The following FUCA1 variants were observed in gnomAD, a reference collection of about 807,000 sequenced individuals.
The protein encoded by FUCA1 is tissue alpha-L-fucosidase.
FUCA1 carries 52 observed loss-of-function variants against 56.8 expected under a neutral mutation model. The ratio of observed to expected loss-of-function variants is 0.92; its 90% CI spans 0.73 to 1.15. The LOEUF is 1.15. FUCA1 is among the 50% of genes most tolerant of loss of function. The pLI is 0.00. For missense variants in FUCA1, 568 were observed against 592.6 expected, an observed-to-expected ratio of 0.96 and a Z score of 0.43; for synonymous variants, 230 against 226.6, an observed-to-expected ratio of 1.02 and a Z score of -0.14.
Position 23,850,533 on chromosome 1 carries a change from G to C in FUCA1, c.970-1694C>G, listed in dbSNP as rs911697820. 9.9e-5 allele frequency among the ~76,000 whole-genome samples: 15 copies of C among 151,584 alleles called. No individual in the cohort carries two copies. In the East Asian group the frequency reaches 1.9e-3, roughly 20 times the overall value. On this transcript the variant is annotated intron_variant, in intron 5 of 7. Coordinates refer to ENST00000374479, the MANE Select transcript of FUCA1 (RefSeq NM_000147.5). Reference sequence around the variant, plus strand: ...GAGTCTAGCTCTGTCACCCAGGCTGGAGTGCAGTGGCGCAATCTCAGCTCA... The same window carrying C: ...GAGTCTAGCTCTGTCACCCAGGCTGCAGTGCAGTGGCGCAATCTCAGCTCA...
At chr1:23,863,068 G>A in intron 3 of FUCA1, 66 bp downstream of exon 3, 1 of 1,539,220 alleles carries the variant, frequency 6.5e-7, no homozygotes. Context: ...CACTTTAATG[G>A]TACCCTATAG....
At position 23,845,575 on chromosome 1, in the gene FUCA1, G is replaced by A; in HGVS notation, c.*140C>T. On this transcript the variant is annotated 3_prime_UTR_variant, in exon 8 of 8. Coordinates refer to ENST00000374479, the MANE Select transcript of FUCA1 (RefSeq NM_000147.5). ...TTTAGACATCAGGGTAATGTACTCA[G>A]TTCCTTTAATTAAAATGTGTTGGAA... 1 of 963,382 alleles carries A rather than the reference G, an allele frequency of 1.0e-6. No homozygotes were observed. Among genetic ancestry groups the A allele is most frequent in the Admixed American group, 1.9e-5 (1 of 53,862 alleles). The allele number at this position is 963,382 out of a possible 1,614,324, so 59.7% of individuals were successfully genotyped here. A position where few individuals can be genotyped will look rare whatever the true frequency, so the allele number is the denominator to read the frequency against.
At chr1:23,855,979 T>TA (rs1484563006) in intron 4 of FUCA1, among the ~76,000 whole-genome samples, 8 of 152,154 alleles carry the variant, frequency 5.3e-5, no homozygotes. Context: ...AGGAGACAGA[T>TA]ATGTGGACAA....
chr1:23,847,662 G>A (rs1297391425), intron 6 of FUCA1, among the ~76,000 whole-genome samples: 4 of 152,102 alleles, frequency 2.6e-5, no homozygotes, highest in Non-Finnish European at 5.9e-5. Context: ...CCAGATGCTG[G>A]TGCTATGCTC....
chr1:23,855,295 A>T (rs575272579), intron 4 of FUCA1, among the ~76,000 whole-genome samples: 5 of 152,340 alleles, frequency 3.3e-5, no homozygotes, highest in African/African-American at 1.2e-4. Flanking sequence ...CAGGAGATAG[A>T]GACCAACCTG....
Position 23,867,678 on chromosome 1 carries a change from T to C in FUCA1, c.389+220A>G. The C allele has an allele frequency of 1.0e-6, 1 of 975,638 alleles. No homozygotes were observed. Among genetic ancestry groups the C allele is most frequent in the Non-Finnish European group, 1.2e-6 (1 of 821,128 alleles). 60.4% of individuals were successfully genotyped at this position (975,638 alleles called of 1,614,324 possible). On this transcript the variant is annotated intron_variant, in intron 1 of 7. Transcript: ENST00000374479. This position sits in a 1 kb window ranked among gnomAD's most constrained non-coding sequence, Gnocchi z 4.9. ...TGCAGATACCCAGGGCTTCCCAGCC[T>C]GCCATCTCCCTGAACCTTCATTTAT...
chr1:23,864,905 A>T (rs1406715360), intron 2 of FUCA1, among the ~76,000 whole-genome samples: 1 of 151,898 alleles, frequency 6.6e-6, no homozygotes, highest in Non-Finnish European at 1.5e-5. Flanking sequence ...GGGTTTCACC[A>T]TATTGGTCAG....
chr1:23,859,953 G>T, intron 3 of FUCA1, 50 bp from the exon 4 acceptor site: 2 of 1,299,738 alleles, frequency 1.5e-6, no homozygotes, highest in African/African-American at 1.5e-5. Flanking sequence ...CATGTTCACA[G>T]TAAAATCTTA....
chr1:23,857,007 G>GAA (rs145048129), intron 4 of FUCA1, among the ~76,000 whole-genome samples: 6 of 144,862 alleles, frequency 4.1e-5, no homozygotes, highest in African/African-American at 5.1e-5. Flanking sequence ...AAAAAGAAAA[G>GAA]AAAAAAAAAA....
At chr1:23,845,994 C>A (rs776211223) in intron 7 of FUCA1, 80 bp downstream of exon 7, 2 of 1,509,126 alleles carry the variant, frequency 1.3e-6, no homozygotes, top group Admixed American at 1.7e-5. Context: ...TGGGAGAAAC[C>A]TGGCAGGGAA....
Position 23,867,838 on chromosome 1 carries a change from C to A in FUCA1, c.389+60G>T. On this transcript the variant is annotated intron_variant, in intron 1 of 7. Coordinates refer to ENST00000374479, the MANE Select transcript of FUCA1 (RefSeq NM_000147.5). The surrounding 1 kb of genome is among the most constrained non-coding windows in gnomAD (Gnocchi z 4.9). Reference sequence around the variant, plus strand: ...TGCGCGCCCCAGCTGGCCGCCCAGCCCCACCTCCTGTTTGCCGCCCGAGCC... The same window carrying A: ...TGCGCGCCCCAGCTGGCCGCCCAGCACCACCTCCTGTTTGCCGCCCGAGCC... 1 of 1,505,744 alleles carries A rather than the reference C, an allele frequency of 6.6e-7. No individual in the cohort carries two copies. The allele number at this position is 1,505,744 out of a possible 1,614,324, so 93.3% of individuals were successfully genotyped here.
chr1:23,859,974 T>G, intron 3 of FUCA1, 71 bp from the exon 4 acceptor site: 2 of 1,047,616 alleles, frequency 1.9e-6, no homozygotes, highest in South Asian at 1.3e-5. Context: ...TGGACCATTT[T>G]TTTTTTTAGA....
Position 23,845,786 on chromosome 1 carries a change from G to A in FUCA1, c.1330C>T (p.Leu444=). 1 of 1,614,144 alleles carries A rather than the reference G, an allele frequency of 6.2e-7. No individual in the cohort carries two copies. Among genetic ancestry groups the A allele is most frequent in the Non-Finnish European group, 8.5e-7 (1 of 1,179,964 alleles). The change falls in exon 8 of 8, where the codon CTA becomes TTA. Residue 444 remains leucine (L), a synonymous_variant. Transcript: ENST00000374479. Reference sequence around the variant, plus strand: ...ACAGCAGAGGGTGGCAACTGGGGTAGAGAGATGAAGAGACCTTTATCTGGA... The same window carrying A: ...ACAGCAGAGGGTGGCAACTGGGGTAAAGAGATGAAGAGACCTTTATCTGGA... ...TDPDKGLFIS[L]PQLPPSAVPA... is the part of the protein sequence containing the mutation.
At position 23,848,826 on chromosome 1, in the gene FUCA1, G is replaced by A. The variant is rs984848361; in HGVS notation, c.983C>T (p.Thr328Ile). ...ESEIISELVQ[T>I]VSLGGNYLLN... is the part of the protein sequence containing the mutation. Reference sequence around the variant, plus strand: ...AAGATAGTTGCCTCCCAAACTTACTGTCTGAACCAGTTCCTGGAGAGAACA... The same window carrying A: ...AAGATAGTTGCCTCCCAAACTTACTATCTGAACCAGTTCCTGGAGAGAACA... Residue 328 changes from threonine to isoleucine, a missense_variant, in exon 6 of 8, where the codon ACA becomes ATA. By Grantham distance (89) the Thr-to-Ile change is moderately conservative (BLOSUM62 -1). Coordinates refer to ENST00000374479, the MANE Select transcript of FUCA1 (RefSeq NM_000147.5). 1 of 1,614,004 alleles carries A rather than the reference G, an allele frequency of 6.2e-7. No homozygotes were observed. Among genetic ancestry groups the A allele is most frequent in the Non-Finnish European group, 8.5e-7 (1 of 1,179,884 alleles).
chr1:23,857,981 CTT>C (rs1639429105), intron 4 of FUCA1, among the ~76,000 whole-genome samples: 2 of 150,404 alleles, frequency 1.3e-5, no homozygotes, highest in Admixed American at 1.3e-4. Flanking sequence ...GAAAACCACT[CTT>C]AATCTGTCTC....
At chr1:23,855,016 A>G (rs888207206) in intron 4 of FUCA1, among the ~76,000 whole-genome samples, 2 of 152,148 alleles carry the variant, frequency 1.3e-5, no homozygotes, top group Non-Finnish European at 2.9e-5. Context: ...TGGAACTACA[A>G]ATCAGGTATC....
At chr1:23,860,216 C>T (rs1639478224) in intron 3 of FUCA1, among the ~76,000 whole-genome samples, 1 of 152,114 alleles carries the variant, frequency 6.6e-6, no homozygotes, top group Non-Finnish European at 1.5e-5. Flanking sequence ...TAAAAATTAT[C>T]ACAGTGCAGA....
chr1:23,851,827 G>A (rs1191162520), intron 5 of FUCA1, among the ~76,000 whole-genome samples: 2 of 152,028 alleles, frequency 1.3e-5, no homozygotes, highest in Non-Finnish European at 2.9e-5. Flanking sequence ...TGGGACACAG[G>A]AAGAGGAACA....
chr1:23,857,844 A>G (rs1639425930), intron 4 of FUCA1, among the ~76,000 whole-genome samples: 1 of 150,160 alleles, frequency 6.7e-6, no homozygotes, highest in South Asian at 2.1e-4. Context: ...TAATTTTTGT[A>G]TTTTCAGTAG....
Sources: gnomAD v4.1 joint callset for allele counts (sites outside exome capture counted in the v4.1 genomes callset) on GRCh38, gnomAD v4.1.1 for gene constraint, Gnocchi (gnomAD v3.1) non-coding constraint, MANE v1.5 for transcripts, NCBI Gene and HGNC (gene_info 2026-07-23, HGNC 2026-07-21) for gene names.